Variants in TMEM184B observed in about 807,000 individuals in gnomAD.
TMEM184B encodes the protein putative MAPK-activating protein FM08.
Under a neutral mutation model 41.8 loss-of-function variants are expected in TMEM184B, and 17 were observed. The ratio of observed to expected loss-of-function variants is 0.41; its 90% CI spans 0.28 to 0.61. The LOEUF (loss-of-function observed/expected upper bound fraction) is 0.61, where lower values mean the gene tolerates loss of function less well. Ranked by LOEUF, TMEM184B falls within the 20% of genes least tolerant of loss-of-function variation. The pLI, the probability that TMEM184B is intolerant of heterozygous loss-of-function variation, is 0.34. For missense variants in TMEM184B, 393 were observed against 557.8 expected, an observed-to-expected ratio of 0.70 and a Z score of 2.98; for synonymous variants, 240 against 229.5, an observed-to-expected ratio of 1.05 and a Z score of -0.41.
intron 1 of TMEM184B, among the ~76,000 whole-genome samples, chr22:38,264,829 C>G (rs2092421643): frequency 6.6e-6 from 1 of 152,152 alleles, no homozygotes; most frequent in African/African-American, 2.4e-5. Context: ...CTTAGCAAAC[C>G]AAAGGAAGCA....
intron 3 of TMEM184B, among the ~76,000 whole-genome samples, chr22:38,236,480 C>CT (rs1453301157): frequency 3.3e-5 from 5 of 151,860 alleles, no homozygotes; most frequent in African/African-American, 4.8e-5. Flanking sequence ...AAACCATTTC[C>CT]TTTTTTTGTT....
At position 38,231,339 on chromosome 22, in the gene TMEM184B, G is replaced by C. The variant is rs371784357; in HGVS notation, c.359-5C>G. 6.2e-7 allele frequency: 1 copy of C among 1,612,902 alleles called. No homozygotes were observed. Among genetic ancestry groups the C allele is most frequent in the Non-Finnish European group, 8.5e-7 (1 of 1,178,830 alleles). Reference sequence around the variant, plus strand: ...GGAAATTATAGATGACCAAGGCTGCGAAGAGAGTGTCCAGGAGAAACCAGT... The same window carrying C: ...GGAAATTATAGATGACCAAGGCTGCCAAGAGAGTGTCCAGGAGAAACCAGT... On this transcript the variant is annotated splice_region_variant and splice_polypyrimidine_tract_variant and intron_variant, in intron 3 of 8. Coordinates refer to ENST00000361906, the MANE Select transcript of TMEM184B (RefSeq NM_012264.5).
In TMEM184B at chr22:38,225,119, A is replaced by G. The variant is rs904879558; in HGVS notation, c.788-140T>C. On this transcript the variant is annotated intron_variant, in intron 7 of 8. Coordinates refer to ENST00000361906, the MANE Select transcript of TMEM184B (RefSeq NM_012264.5). The surrounding 1 kb of genome is among the most constrained non-coding windows in gnomAD (Gnocchi z 4.4). ...ACAGCTGCTCCTGCAGGGCAGGGGTAGCGACACAAGGCCACAGCCTCCGGA... is the reference window on the plus strand; with the variant it reads ...ACAGCTGCTCCTGCAGGGCAGGGGTGGCGACACAAGGCCACAGCCTCCGGA... The G allele has an allele frequency of 1.9e-6, 2 of 1,045,100 alleles. No individual in the cohort carries two copies. Among genetic ancestry groups the G allele is most frequent in the African/African-American group, 3.3e-5 (2 of 61,458 alleles). 64.7% of individuals were successfully genotyped at this position (1,045,100 alleles called of 1,614,324 possible).
chr22:38,264,396 C>A (rs979031103), intron 1 of TMEM184B, among the ~76,000 whole-genome samples: 31 of 151,628 alleles, frequency 2.0e-4, no homozygotes, highest in Non-Finnish European at 2.1e-4. Flanking sequence ...GATGAGCAGG[C>A]AGGCCAGGTG....
intron 1 of TMEM184B, among the ~76,000 whole-genome samples, chr22:38,253,170 A>G (rs2092207472): frequency 6.6e-6 from 1 of 152,082 alleles, no homozygotes; most frequent in Non-Finnish European, 1.5e-5. Flanking sequence ...AAATAAAAAT[A>G]ATAATGGGAG....
Position 38,231,273 on chromosome 22 carries a change from G to A in TMEM184B, c.420C>T (p.Ile140=). 1 of 1,614,176 alleles carries A rather than the reference G, an allele frequency of 6.2e-7. No individual in the cohort carries two copies. Among genetic ancestry groups the A allele is most frequent in the Non-Finnish European group, 8.5e-7 (1 of 1,180,036 alleles). The change falls in exon 4 of 9, where the codon ATC becomes ATT. Residue 140 remains isoleucine (I), a synonymous_variant. Transcript: ENST00000361906. ...TGGGTTTTCCTCTGATCTCCGACAT[G>A]ATGGAACTTTCTCCTCCTAGGTACT... ...CYEYLGGESS[I]MSEIRGKPIE...
chr22:38,227,382 G>C (rs1028899557), intron 5 of TMEM184B, among the ~76,000 whole-genome samples: 2 of 152,160 alleles, frequency 1.3e-5, no homozygotes, highest in Admixed American at 1.3e-4. Context: ...GCACTAGAGA[G>C]GTGGCTGAGG....
rs563619758 is a variant in TMEM184B, at chr22:38,262,193, C to G, written c.-59+10691G>C. 9.8e-5 allele frequency among the ~76,000 whole-genome samples: 15 copies of G among 152,354 alleles called. No homozygotes were observed. The East Asian group carries it at 2.9e-3, about 29-fold the overall frequency. On this transcript the variant is annotated intron_variant, in intron 1 of 8. Transcript: ENST00000361906. ...ACACTCTGTGTGTGGGAGGCCCAAACAGGCAGCGGCAGGCACCACGCGAAA... is the reference window on the plus strand; with the variant it reads ...ACACTCTGTGTGTGGGAGGCCCAAAGAGGCAGCGGCAGGCACCACGCGAAA...
chr22:38,269,373 A>G (rs1327873949), intron 1 of TMEM184B, among the ~76,000 whole-genome samples: 1 of 152,126 alleles, frequency 6.6e-6, no homozygotes, highest in African/African-American at 2.4e-5. Flanking sequence ...GGTGTGTGCC[A>G]CCATGCCTGG....
intron 1 of TMEM184B, among the ~76,000 whole-genome samples, chr22:38,265,956 A>G (rs531378699): frequency 3.2e-4 from 49 of 152,358 alleles, no homozygotes; most frequent in African/African-American, 1.2e-3. Flanking sequence ...CCAGCAGGAG[A>G]GGCCCCATTC....
intron 1 of TMEM184B, among the ~76,000 whole-genome samples, chr22:38,268,104 C>T (rs962670928): frequency 1.3e-5 from 2 of 152,124 alleles, no homozygotes; most frequent in Non-Finnish European, 1.5e-5. Context: ...TGGCGGAGGC[C>T]GGGCAGAGTG....
At chr22:38,263,978 T>A (rs141745624) in intron 1 of TMEM184B, among the ~76,000 whole-genome samples, 1 of 152,158 alleles carries the variant, frequency 6.6e-6, no homozygotes, top group Non-Finnish European at 1.5e-5. Flanking sequence ...CTAATTTTTG[T>A]ATTTTTAGTA....
chr22:38,226,619 G>C lies in TMEM184B; in HGVS notation c.617+160C>G, dbSNP rs376377076. 1 of 668,042 alleles carries C rather than the reference G, an allele frequency of 1.5e-6. No homozygotes were observed. The highest frequency in any genetic ancestry group is 2.5e-6 in the Non-Finnish European group (1 of 393,192). 41.4% of individuals were successfully genotyped at this position (668,042 alleles called of 1,614,324 possible). A position where few individuals can be genotyped will look rare whatever the true frequency, so the allele number is the denominator to read the frequency against. On this transcript the variant is annotated intron_variant, in intron 6 of 8. Transcript: ENST00000361906. The surrounding 1 kb of genome is among the most constrained non-coding windows in gnomAD (Gnocchi z 4.6). ...GGCTGGCAGCGGGGCCAACTGCAAGGGTGTCCACTGCTGGGCTCAGACTTC... is the reference window on the plus strand; with the variant it reads ...GGCTGGCAGCGGGGCCAACTGCAAGCGTGTCCACTGCTGGGCTCAGACTTC...
rs2091405304 is a variant in TMEM184B, at chr22:38,225,469, T to G, written c.742A>C (p.Lys248Gln). ...ATGACGGACTTGACCATGAAGAACT[T>G]GAGGACGGGGCTGTAGGGGCTGAGC... ...ELLSPYSPVL[K>Q]FFMVKSVIFL... Residue 248 changes from lysine (K) to glutamine (Q), a missense_variant, in exon 7 of 9, where the codon AAG (lysine) becomes CAG (glutamine). Lys to Gln is a moderately conservative substitution (Grantham distance 53, BLOSUM62 1). This residue lies in a region of TMEM184B where 271 missense variants were observed against 434.1 expected (regional missense o/e 0.62). Coordinates refer to ENST00000361906, the MANE Select transcript of TMEM184B (RefSeq NM_012264.5). This position sits in a 1 kb window ranked among gnomAD's most constrained non-coding sequence, Gnocchi z 4.4. 3 of 1,576,200 alleles carry G rather than the reference T, an allele frequency of 1.9e-6. No homozygotes were observed. Among genetic ancestry groups the G allele is most frequent in the African/African-American group, 1.4e-5 (1 of 71,948 alleles).
In TMEM184B at chr22:38,226,586, C is replaced by A; in HGVS notation, c.617+193G>T. The stretch of plus-strand genomic sequence containing the variant: ...ATGAACGTGACTGCTGCCAATGGCT[C>A]ACTCCGGGGCTGGCAGCGGGGCCAA... On this transcript the variant is annotated intron_variant, in intron 6 of 8. Transcript: ENST00000361906. The surrounding 1 kb of genome is among the most constrained non-coding windows in gnomAD (Gnocchi z 4.6). The A allele has an allele frequency of 1.8e-6, 1 of 549,242 alleles. No homozygotes were observed. The highest frequency in any genetic ancestry group is 2.0e-5 in the South Asian group (1 of 49,484). 34.0% of individuals were successfully genotyped at this position (549,242 alleles called of 1,614,324 possible).
intron 1 of TMEM184B, chr22:38,272,629 C>T (rs2092542448): frequency 6.1e-6 from 6 of 985,530 alleles, no homozygotes; most frequent in Non-Finnish European, 7.2e-6. Context: ...GGAGCTGCCC[C>T]CGCCACGTTG....
At chr22:38,247,364 C>T (rs1259325755) in intron 2 of TMEM184B, among the ~76,000 whole-genome samples, 2 of 152,240 alleles carry the variant, frequency 1.3e-5, no homozygotes, top group African/African-American at 4.8e-5. Flanking sequence ...TTCGCACATT[C>T]CCTGCTGCTA....
intron 1 of TMEM184B, among the ~76,000 whole-genome samples, chr22:38,252,531 A>G (rs959212007): frequency 4.6e-5 from 7 of 152,180 alleles, no homozygotes; most frequent in African/African-American, 1.4e-4. Flanking sequence ...GCCATTCTTC[A>G]TGCCTTCTCT....
At chr22:38,260,203 C>T (rs1231264130) in intron 1 of TMEM184B, among the ~76,000 whole-genome samples, 2 of 152,126 alleles carry the variant, frequency 1.3e-5, no homozygotes, top group East Asian at 1.9e-4. Flanking sequence ...CCACCACACC[C>T]GGCCAAATGC....
Sources: gnomAD v4.1 joint callset for allele counts (sites outside exome capture counted in the v4.1 genomes callset) on GRCh38, gnomAD v4.1.1 for gene constraint, gnomAD v4.1.1 regional missense constraint, Gnocchi (gnomAD v3.1) non-coding constraint, MANE v1.5 for transcripts, NCBI Gene and HGNC (gene_info 2026-07-23, HGNC 2026-07-21) for gene names.